JPH2: variants seen among roughly 807,000 people sequenced by gnomAD.
JPH2 encodes the protein junctophilin 2.
JPH2 carries 38 observed loss-of-function variants against 55.9 expected under a neutral mutation model. That is an observed-to-expected ratio of 0.68 (90% CI 0.52 to 0.89). The LOEUF (loss-of-function observed/expected upper bound fraction) is 0.89. Ranked by LOEUF, JPH2 falls within the 40% of genes least tolerant of loss-of-function variation. The pLI is 0.00. For missense variants in JPH2, 964 were observed against 1,037.6 expected (o/e 0.93, Z 0.97); for synonymous variants, 480 against 472.4 (o/e 1.02, Z -0.21).
chr20:44,134,937 A>G (rs1334122568), intron 2 of JPH2, among the ~76,000 whole-genome samples: 1 of 128,934 alleles, frequency 7.8e-6, no homozygotes, highest in Non-Finnish European at 1.6e-5. Flanking sequence ...ATATATATAT[A>G]TAAAACCACC....
chr20:44,162,745 CAT>C (rs1157323951), intron 1 of JPH2, among the ~76,000 whole-genome samples: 813 of 52,216 alleles, frequency 0.016, 3 homozygotes, highest in East Asian at 0.021. Context: ...AATAAACTTC[CAT>C]ATATATATAT....
At chr20:44,115,574 A>G in intron 4 of JPH2, 91 bp downstream of exon 4, 1 of 1,551,208 alleles carries the variant, frequency 6.4e-7, no homozygotes. Flanking sequence ...GCACCCCAGC[A>G]ACCCCCAAAT....
intron 2 of JPH2, among the ~76,000 whole-genome samples, chr20:44,133,349 T>A (rs1480760424): frequency 6.6e-6 from 1 of 151,910 alleles, no homozygotes; most frequent in Non-Finnish European, 1.5e-5. Context: ...TTTTAAAATC[T>A]CACATCTATT....
intron 1 of JPH2, among the ~76,000 whole-genome samples, chr20:44,179,124 A>G (rs2072759730): frequency 6.6e-6 from 1 of 152,228 alleles, no homozygotes; most frequent in Admixed American, 6.5e-5. Flanking sequence ...TAGTAGTAGT[A>G]GTAGTAATAA....
At chr20:44,176,974 G>A in intron 1 of JPH2, 1 of 985,436 alleles carries the variant, frequency 1.0e-6, no homozygotes, top group Non-Finnish European at 1.2e-6. Flanking sequence ...GCAGTGGCAG[G>A]AAGACCTCCA....
At chr20:44,119,906 C>A (rs1280523655) in intron 2 of JPH2, among the ~76,000 whole-genome samples, 1 of 151,664 alleles carries the variant, frequency 6.6e-6, no homozygotes, top group African/African-American at 2.4e-5. Flanking sequence ...TCCTGCCCTG[C>A]CTACCCCTAA....
At chr20:44,154,769 A>G (rs541945416) in intron 2 of JPH2, among the ~76,000 whole-genome samples, 3 of 152,342 alleles carry the variant, frequency 2.0e-5, no homozygotes, top group African/African-American at 7.2e-5. Context: ...GAAGATGGCC[A>G]CAATCCTGCT....
In JPH2 at chr20:44,107,467, T is replaced by C. The variant is rs911686407; in HGVS notation, c.*6051A>G. ...GCTAGTGGAATATGAGCAGAAGTGA[T>C]GTGTGCTGTTTTCCTGGTGAAAGTT... On this transcript the variant is annotated 3_prime_UTR_variant, in exon 6 of 6. Coordinates refer to ENST00000372980, the MANE Select transcript of JPH2 (RefSeq NM_020433.5). Among the ~76,000 whole-genome samples the C allele has an allele frequency of 6.6e-6, 1 of 152,210 alleles. No individual in the cohort carries two copies. Among genetic ancestry groups the C allele is most frequent in the African/African-American group, 2.4e-5 (1 of 41,448 alleles).
At chr20:44,117,211 G>A (rs988769343) in intron 3 of JPH2, among the ~76,000 whole-genome samples, 1 of 152,174 alleles carries the variant, frequency 6.6e-6, no homozygotes, top group Non-Finnish European at 1.5e-5. Context: ...CCAGGGAGTC[G>A]GAAGTTGCAG....
At chr20:44,177,737 A>C in intron 1 of JPH2, 1 of 1,402,740 alleles carries the variant, frequency 7.1e-7, no homozygotes. Flanking sequence ...AAGCGAATCA[A>C]AGTCTTGTCT....
At position 44,186,836 on chromosome 20, in the gene JPH2, A is replaced by G; in HGVS notation, c.-131T>C. 1 of 909,066 alleles carries G rather than the reference A, an allele frequency of 1.1e-6. No homozygotes were observed. The highest frequency in any genetic ancestry group is 1.7e-6 in the Non-Finnish European group (1 of 594,320). 56.3% of individuals were successfully genotyped at this position (909,066 alleles called of 1,614,324 possible). A position where few individuals can be genotyped will look rare whatever the true frequency, so the allele number is the denominator to read the frequency against. ...TCACCACTGCACCCCAGGAGGGGGG[A>G]AGCAGGATGCCAGCAGAGGCTGAAA... On this transcript the variant is annotated 5_prime_UTR_variant, in exon 1 of 6. Transcript: ENST00000372980.
At chr20:44,185,411 C>T (rs993907198) in intron 1 of JPH2, among the ~76,000 whole-genome samples, 1 of 151,798 alleles carries the variant, frequency 6.6e-6, no homozygotes. Flanking sequence ...ATTGCTTGAG[C>T]TCCGAAGTTT....
chr20:44,107,615 T>C lies in JPH2; in HGVS notation c.*5903A>G, dbSNP rs1293203319. On this transcript the variant is annotated 3_prime_UTR_variant, in exon 6 of 6. Coordinates refer to ENST00000372980, the MANE Select transcript of JPH2 (RefSeq NM_020433.5). ...AAAAACCTGGGTCCCTGAATCATTATGATGAGGGACAGCTATTCTATGACA... is the reference window on the plus strand; with the variant it reads ...AAAAACCTGGGTCCCTGAATCATTACGATGAGGGACAGCTATTCTATGACA... Among the ~76,000 whole-genome samples, 1 of 152,228 alleles carries C rather than the reference T, an allele frequency of 6.6e-6. No homozygotes were observed. Among genetic ancestry groups the C allele is most frequent in the East Asian group, 1.9e-4 (1 of 5,202 alleles).
At chr20:44,178,964 C>T (rs1209327065) in intron 1 of JPH2, among the ~76,000 whole-genome samples, 1 of 152,148 alleles carries the variant, frequency 6.6e-6, no homozygotes. Flanking sequence ...ACGTAACTCC[C>T]GTGTTCAGAG....
rs998243006 is a variant in JPH2, at chr20:44,111,219, T to C, written c.*2299A>G. 6.6e-6 allele frequency among the ~76,000 whole-genome samples: 1 copy of C among 152,162 alleles called. No individual in the cohort carries two copies. Among genetic ancestry groups the C allele is most frequent in the African/African-American group, 2.4e-5 (1 of 41,434 alleles). On this transcript the variant is annotated 3_prime_UTR_variant, in exon 6 of 6. Transcript: ENST00000372980. ...TCCCTTTGGGGTCCCTGGGATCCTC[T>C]ACCAAAACGCAAGAGGGCTTGTAGC... is the stretch of plus-strand genomic sequence containing the variant.
intron 2 of JPH2, among the ~76,000 whole-genome samples, chr20:44,152,352 C>T (rs2072537019): frequency 6.6e-6 from 1 of 152,150 alleles, no homozygotes; most frequent in Non-Finnish European, 1.5e-5. Context: ...CAGTACCTTC[C>T]TCACAGGGTT....
At chr20:44,175,286 C>T (rs1397982869) in intron 1 of JPH2, among the ~76,000 whole-genome samples, 1 of 152,188 alleles carries the variant, frequency 6.6e-6, no homozygotes, top group Non-Finnish European at 1.5e-5. Flanking sequence ...GGCTTTTGTT[C>T]ACTTATAATG....
At chr20:44,165,950 C>T (rs930282625) in intron 1 of JPH2, among the ~76,000 whole-genome samples, 2 of 152,162 alleles carry the variant, frequency 1.3e-5, no homozygotes, top group African/African-American at 2.4e-5. Context: ...TCTAGTGCAA[C>T]ATACATTTTG....
At chr20:44,114,974 T>C in intron 4 of JPH2, 98 bp from the exon 5 acceptor site, 1 of 890,316 alleles carries the variant, frequency 1.1e-6, no homozygotes, top group South Asian at 1.4e-5. Flanking sequence ...AACTTCTGGA[T>C]GGACCTTCCT....
Sources: allele counts gnomAD v4.1 joint callset (sites outside exome capture counted in the v4.1 genomes callset), GRCh38; gene constraint gnomAD v4.1.1; transcripts MANE v1.5; gene names NCBI Gene and HGNC (gene_info 2026-07-23, HGNC 2026-07-21).